Variants in PTGER3 observed in about 807,000 individuals in gnomAD.
PTGER3 encodes the protein prostaglandin E2 receptor EP3 subtype.
Under a neutral mutation model 34.7 loss-of-function variants are expected in PTGER3, and 22 were observed. That is an observed-to-expected ratio of 0.63 (90% CI 0.45 to 0.91). PTGER3 has a LOEUF of 0.91. Ranked by LOEUF, PTGER3 falls within the 40% of genes least tolerant of loss-of-function variation. PTGER3 has a pLI of 0.00. For missense variants in PTGER3, 468 were observed against 519.4 expected (o/e 0.90, Z 0.96); for synonymous variants, 241 against 230.1 (o/e 1.05, Z -0.43).
chr1:70,975,857 T>A lies in PTGER3; in HGVS notation c.1078-1469A>T, dbSNP rs371386924. ...TTTTTAAATTTTTTGTCTGCAAGAC[T>A]TTCAAAGCCCCCTTTGTACTCCTAT... On this transcript the variant is annotated intron_variant, in intron 2 of 3. Transcript: ENST00000306666. 1.3e-3 allele frequency among the ~76,000 whole-genome samples: 194 copies of A among 152,280 alleles called. 1 individual carries two copies. Among genetic ancestry groups the A allele is most frequent in the African/African-American group, 4.5e-3 (187 of 41,562 alleles).
chr1:70,931,433 G>A (rs1171848827), intron 4 of PTGER3, among the ~76,000 whole-genome samples: 1 of 152,204 alleles, frequency 6.6e-6, no homozygotes, highest in Non-Finnish European at 1.5e-5. Context: ...TCTGTGTGGG[G>A]GCTCAGACTC....
At chr1:71,018,045 G>A (rs1658068720) in intron 1 of PTGER3, among the ~76,000 whole-genome samples, 2 of 152,048 alleles carry the variant, frequency 1.3e-5, no homozygotes, top group East Asian at 1.9e-4. Flanking sequence ...GATTACAGGC[G>A]TGAGTCACCA....
intron 4 of PTGER3, among the ~76,000 whole-genome samples, chr1:70,926,377 C>A (rs893994156): frequency 3.9e-5 from 6 of 152,108 alleles, no homozygotes; most frequent in Non-Finnish European, 5.9e-5. Context: ...TTATAGTTCT[C>A]CTTGAAGAGG....
intron 4 of PTGER3, among the ~76,000 whole-genome samples, chr1:70,858,068 T>G (rs1015071349): frequency 2.0e-5 from 3 of 152,220 alleles, no homozygotes; most frequent in African/African-American, 7.2e-5. Flanking sequence ...CACTGATATA[T>G]TTGCTCAGCC....
intron 4 of PTGER3, among the ~76,000 whole-genome samples, chr1:70,918,169 T>A (rs1647238713): frequency 6.6e-6 from 1 of 152,010 alleles, no homozygotes; most frequent in Admixed American, 6.6e-5. Flanking sequence ...GTTCAATAAA[T>A]TGTTCCGGAA....
chr1:70,889,832 G>A (rs1197794371), intron 4 of PTGER3, among the ~76,000 whole-genome samples: 1 of 151,788 alleles, frequency 6.6e-6, no homozygotes, highest in Non-Finnish European at 1.5e-5. Context: ...TGTCTGTGAG[G>A]ACTTGTTCTT....
At chr1:70,903,532 A>C (rs1646883574) in intron 4 of PTGER3, among the ~76,000 whole-genome samples, 1 of 152,226 alleles carries the variant, frequency 6.6e-6, no homozygotes, top group African/African-American at 2.4e-5. Context: ...GCTTCAAAGA[A>C]ATAAAATCAC....
At chr1:70,904,636 A>T (rs1441775564) in intron 4 of PTGER3, among the ~76,000 whole-genome samples, 1 of 152,124 alleles carries the variant, frequency 6.6e-6, no homozygotes, top group Non-Finnish European at 1.5e-5. Context: ...GGAACTTTGA[A>T]CTTGAGGAGG....
At chr1:70,957,391 G>C (rs1268201609) in intron 2 of PTGER3, among the ~76,000 whole-genome samples, 1 of 152,082 alleles carries the variant, frequency 6.6e-6, no homozygotes, top group Non-Finnish European at 1.5e-5. Context: ...AGAGCAATTT[G>C]ACCTTCATTT....
chr1:71,036,793 C>A (rs1021122048), intron 1 of PTGER3, among the ~76,000 whole-genome samples: 2 of 151,262 alleles, frequency 1.3e-5, no homozygotes, highest in South Asian at 4.2e-4. Context: ...GAGCCGAGAT[C>A]GTGCTACTGT....
At chr1:70,878,342 T>C (rs1452055285) in intron 4 of PTGER3, among the ~76,000 whole-genome samples, 1 of 152,084 alleles carries the variant, frequency 6.6e-6, no homozygotes, top group Non-Finnish European at 1.5e-5. Flanking sequence ...TCTGATTGTG[T>C]TTATTTGAAT....
intron 4 of PTGER3, among the ~76,000 whole-genome samples, chr1:70,937,280 T>C (rs1477046679): frequency 6.6e-6 from 1 of 152,194 alleles, no homozygotes; most frequent in African/African-American, 2.4e-5. Flanking sequence ...TATTTTGTGT[T>C]GCCAAACATG....
At chr1:70,896,669 AG>A (rs1409986560) in intron 4 of PTGER3, among the ~76,000 whole-genome samples, 3 of 152,192 alleles carry the variant, frequency 2.0e-5, no homozygotes, top group Admixed American at 2.0e-4. Flanking sequence ...AAATTCTACT[AG>A]TTCTTAAAAT....
At chr1:70,993,376 C>T (rs763369763) in intron 2 of PTGER3, among the ~76,000 whole-genome samples, 1 of 152,158 alleles carries the variant, frequency 6.6e-6, no homozygotes, top group African/African-American at 2.4e-5. Flanking sequence ...TGCGATAGAG[C>T]TTATGACACC....
At chr1:71,031,544 TG>T (rs1468164737) in intron 1 of PTGER3, among the ~76,000 whole-genome samples, 1 of 152,166 alleles carries the variant, frequency 6.6e-6, no homozygotes, top group Non-Finnish European at 1.5e-5. Context: ...GCAGTCAGGC[TG>T]GCAACAGAAG....
chr1:70,887,885 T>C (rs1042202776), intron 4 of PTGER3, among the ~76,000 whole-genome samples: 8 of 151,328 alleles, frequency 5.3e-5, no homozygotes, highest in Non-Finnish European at 1.2e-4. Context: ...TTTCTTCCAT[T>C]ATGTTTGGAT....
chr1:70,939,886 G>A (rs554790940), intron 4 of PTGER3, among the ~76,000 whole-genome samples: 25 of 152,290 alleles, frequency 1.6e-4, no homozygotes, highest in East Asian at 1.9e-4. Context: ...CCATTGTCTC[G>A]GGGATTAACA....
chr1:70,895,963 G>A (rs1317420757), intron 4 of PTGER3, among the ~76,000 whole-genome samples: 1 of 152,224 alleles, frequency 6.6e-6, no homozygotes, highest in African/African-American at 2.4e-5. Context: ...GAAGAAGAGT[G>A]CTGCAGTGCA....
At chr1:70,969,605 G>GA (rs912765690), downstream of PTGER3, among the ~76,000 whole-genome samples, 1 of 152,192 alleles carries the variant, frequency 6.6e-6, no homozygotes, top group Non-Finnish European at 1.5e-5. Flanking sequence ...CAGAGGTAAG[G>GA]AAAAAACAAA....
Sources: gnomAD v4.1 joint callset for allele counts (sites outside exome capture counted in the v4.1 genomes callset) on GRCh38, gnomAD v4.1.1 for gene constraint, MANE v1.5 for transcripts, NCBI Gene and HGNC (gene_info 2026-07-23, HGNC 2026-07-21) for gene names.